Variants in CCSER2 observed in about 807,000 individuals in gnomAD.
CCSER2 encodes the protein coiled-coil serine rich protein 2, also known as serine-rich coiled-coil domain-containing protein 2.
CCSER2 carries 46 observed loss-of-function variants against 92.3 expected under a neutral mutation model. The observed-to-expected ratio is 0.50, with a 90% CI of 0.39 to 0.64. The LOEUF is 0.64. Ranked by LOEUF, CCSER2 falls within the 30% of genes least tolerant of loss-of-function variation. The pLI is 0.00. For missense variants in CCSER2, 1,244 were observed against 1,238.9 expected, an observed-to-expected ratio of 1.00 and a Z score of -0.06; for synonymous variants, 433 against 431.4, an observed-to-expected ratio of 1.00 and a Z score of -0.04.
intron 9 of CCSER2, among the ~76,000 whole-genome samples, chr10:84,483,026 TC>T (rs1426760014): frequency 6.6e-6 from 1 of 152,240 alleles, no homozygotes; most frequent in African/African-American, 2.4e-5. Flanking sequence ...CAAAGATTAA[TC>T]CATGTTACGG....
chr10:84,374,113 G>A lies in CCSER2; in HGVS notation c.1614+298G>A, dbSNP rs78350774. 2.3e-3 allele frequency: 1,198 copies of A among 526,456 alleles called. 15 individuals are homozygous for A. Among genetic ancestry groups the A allele is most frequent in the African/African-American group, 0.022 (1,140 of 52,506 alleles). 32.6% of individuals were successfully genotyped at this position (526,456 alleles called of 1,614,324 possible). A position where few individuals can be genotyped will look rare whatever the true frequency, so the allele number is the denominator to read the frequency against. ...TGGTTCTCAAAGACTGGGGGAGGAG[G>A]TCAATGACTGGAGGTGGTTTTGGTT... On this transcript the variant is annotated intron_variant, in intron 3 of 9. Coordinates refer to ENST00000372088, the MANE Select transcript of CCSER2 (RefSeq NM_001284240.2).
At chr10:84,387,201 TC>T (rs1221682509) in intron 3 of CCSER2, among the ~76,000 whole-genome samples, 1 of 152,306 alleles carries the variant, frequency 6.6e-6, no homozygotes, top group African/African-American at 2.4e-5. Context: ...CATCTATTCC[TC>T]CTTTAAGGCT....
At chr10:84,459,782 C>T (rs1215586328) in intron 6 of CCSER2, among the ~76,000 whole-genome samples, 1 of 152,076 alleles carries the variant, frequency 6.6e-6, no homozygotes, top group Non-Finnish European at 1.5e-5. Flanking sequence ...TCTTGGCCAC[C>T]CAAAGTACTG....
At chr10:84,356,100 TCAAA>T (rs1845155792) in intron 1 of CCSER2, among the ~76,000 whole-genome samples, 1 of 92,986 alleles carries the variant, frequency 1.1e-5, no homozygotes, top group African/African-American at 6.1e-5. Context: ...TGAAACTGTC[TCAAA>T]AAAAAAAAAA....
At chr10:84,387,105 T>G (rs986118535) in intron 3 of CCSER2, among the ~76,000 whole-genome samples, 1 of 152,222 alleles carries the variant, frequency 6.6e-6, no homozygotes, top group African/African-American at 2.4e-5. Flanking sequence ...GTATCCATGT[T>G]CAGGGCCTTT....
chr10:84,410,283 A>G (rs2133358849), intron 3 of CCSER2, among the ~76,000 whole-genome samples: 1 of 152,328 alleles, frequency 6.6e-6, no homozygotes, highest in Non-Finnish European at 1.5e-5. Context: ...TATATCCAGT[A>G]ATGGGATTAC....
At chr10:84,402,915 T>C (rs991320425) in intron 3 of CCSER2, among the ~76,000 whole-genome samples, 2 of 152,238 alleles carry the variant, frequency 1.3e-5, no homozygotes, top group Non-Finnish European at 2.9e-5. Flanking sequence ...TGCAATTTTT[T>C]CATCAAAACC....
chr10:84,380,109 C>T (rs938535510), intron 3 of CCSER2, among the ~76,000 whole-genome samples: 1 of 152,264 alleles, frequency 6.6e-6, no homozygotes, highest in East Asian at 1.9e-4. Context: ...GTATACCTTC[C>T]AGTAGAGGAT....
At chr10:84,389,527 C>T (rs1478421695) in intron 3 of CCSER2, 3 of 272,428 alleles carry the variant, frequency 1.1e-5, no homozygotes, top group Middle Eastern at 1.4e-3. Context: ...CCCTGGGGGC[C>T]GATCTTGGGG....
intron 1 of CCSER2, among the ~76,000 whole-genome samples, chr10:84,338,731 A>C (rs892567504): frequency 1.5e-4 from 23 of 152,226 alleles, no homozygotes; most frequent in African/African-American, 5.1e-4. Flanking sequence ...TTTGACAGCT[A>C]CTCTTCTCTA....
intron 6 of CCSER2, among the ~76,000 whole-genome samples, chr10:84,458,937 C>A (rs1270954977): frequency 1.3e-5 from 2 of 151,910 alleles, no homozygotes; most frequent in Admixed American, 1.3e-4. Flanking sequence ...CAGTTGTTTG[C>A]CATACACAGT....
intron 3 of CCSER2, chr10:84,390,794 T>C (rs1400314424): frequency 2.1e-6 from 1 of 482,038 alleles, no homozygotes; most frequent in Non-Finnish European, 3.8e-6. Context: ...ATACTATTAA[T>C]ACATGGATTA....
intron 7 of CCSER2, among the ~76,000 whole-genome samples, chr10:84,467,051 CAG>C (rs1846489020): frequency 6.6e-6 from 1 of 152,144 alleles, no homozygotes; most frequent in South Asian, 2.1e-4. Flanking sequence ...CATTTAATTT[CAG>C]TAAATCAAAT....
intron 5 of CCSER2, among the ~76,000 whole-genome samples, chr10:84,436,701 G>A (rs1258607485): frequency 6.6e-6 from 1 of 151,560 alleles, no homozygotes. Context: ...GGAAGAAGAT[G>A]AAGAATAAAT....
At chr10:84,408,626 C>A (rs1842487567) in intron 3 of CCSER2, among the ~76,000 whole-genome samples, 1 of 152,278 alleles carries the variant, frequency 6.6e-6, no homozygotes, top group East Asian at 1.9e-4. Context: ...TACAGAAAAT[C>A]ACATAAAATG....
chr10:84,498,403 A>T (rs1330772372), intron 9 of CCSER2, among the ~76,000 whole-genome samples: 2 of 152,130 alleles, frequency 1.3e-5, no homozygotes, highest in African/African-American at 4.8e-5. Flanking sequence ...ATTTTTATTT[A>T]CTAGAATATC....
Position 84,372,214 on chromosome 10 carries a change from A to C in CCSER2, c.1162A>C (p.Arg388=). ...GACCATGAAACATGATGCTAAAATGAGATACCTGAGTGATGATGTGGATGA... is the reference window on the plus strand; with the variant it reads ...GACCATGAAACATGATGCTAAAATGCGATACCTGAGTGATGATGTGGATGA... ...NQTMKHDAKM[R]YLSDDVDDIS... Residue 388 remains arginine (R), a synonymous_variant, in exon 2 of 10, where the codon AGA becomes CGA. Transcript: ENST00000372088. 6.2e-7 allele frequency: 1 copy of C among 1,613,558 alleles called. No homozygotes were observed. Among genetic ancestry groups the C allele is most frequent in the Non-Finnish European group, 8.5e-7 (1 of 1,179,710 alleles).
At chr10:84,448,008 A>G (rs1845034166) in intron 6 of CCSER2, among the ~76,000 whole-genome samples, 1 of 150,838 alleles carries the variant, frequency 6.6e-6, no homozygotes, top group South Asian at 2.1e-4. Context: ...GGCTGCTCCC[A>G]CTCTTCCGTG....
In CCSER2 at chr10:84,514,939, A is replaced by G. The variant is rs1486969470; in HGVS notation, c.*672A>G. 6.5e-6 allele frequency: 1 copy of G among 152,676 alleles called. No individual in the cohort carries two copies. Among genetic ancestry groups the G allele is most frequent in the Non-Finnish European group, 1.5e-5 (1 of 68,070 alleles). 9.5% of individuals were successfully genotyped at this position (152,676 alleles called of 1,614,324 possible). ...ATAAATCAGTTATATATTCCTTTACATCTTGTTTTACAAACACATGTGCAT... is the reference window on the plus strand; with the variant it reads ...ATAAATCAGTTATATATTCCTTTACGTCTTGTTTTACAAACACATGTGCAT... On this transcript the variant is annotated 3_prime_UTR_variant, in exon 10 of 10. Coordinates refer to ENST00000372088, the MANE Select transcript of CCSER2 (RefSeq NM_001284240.2).
Sources: gnomAD v4.1 joint callset for allele counts (sites outside exome capture counted in the v4.1 genomes callset) on GRCh38, gnomAD v4.1.1 for gene constraint, MANE v1.5 for transcripts, NCBI Gene and HGNC (gene_info 2026-07-23, HGNC 2026-07-21) for gene names.